Variants in PTGES3 observed in about 807,000 individuals in gnomAD.
PTGES3 encodes Hsp90 co-chaperone.
PTGES3 carries 5 observed loss-of-function variants against 29.9 expected under a neutral mutation model. The ratio of observed to expected loss-of-function variants is 0.17; its 90% confidence interval spans 0.09 to 0.35. PTGES3 has a LOEUF of 0.35. PTGES3 is among the 10% of genes least tolerant of loss of function. PTGES3 has a pLI of 1.00. For synonymous variants in PTGES3, 49 were observed against 57.8 expected (o/e 0.85, Z 0.69); for missense variants, 128 against 190.0 (o/e 0.67, Z 1.92).
intron 1 of PTGES3, among the ~76,000 whole-genome samples, chr12:56,681,293 C>T (rs570451832): frequency 9.5e-4 from 144 of 151,852 alleles, no homozygotes; most frequent in African/African-American, 3.3e-3. Flanking sequence ...AATCCCAACA[C>T]TTTGGGAGGC....
At chr12:56,673,618 AC>A (rs1431409345) in intron 1 of PTGES3, among the ~76,000 whole-genome samples, 1 of 151,436 alleles carries the variant, frequency 6.6e-6, no homozygotes, top group Non-Finnish European at 1.5e-5. Context: ...ACATGGTGAA[AC>A]CCCATCTCTA....
At chr12:56,682,721 G>GAGAAAAAAA (rs1952604635) in intron 1 of PTGES3, among the ~76,000 whole-genome samples, 1 of 114,290 alleles carries the variant, frequency 8.7e-6, no homozygotes, top group Non-Finnish European at 1.7e-5. Flanking sequence ...CCATTTAAAA[G>GAGAAAAAAA]AAAAAAAAAA....
intron 1 of PTGES3, among the ~76,000 whole-genome samples, chr12:56,675,663 T>C (rs1952206769): frequency 6.6e-6 from 1 of 152,060 alleles, no homozygotes; most frequent in Non-Finnish European, 1.5e-5. Flanking sequence ...CTCACGCCTG[T>C]AATCTCCAGC....
At chr12:56,672,169 T>C (rs1387702007) in intron 3 of PTGES3, among the ~76,000 whole-genome samples, 1 of 152,036 alleles carries the variant, frequency 6.6e-6, no homozygotes, top group Non-Finnish European at 1.5e-5. Context: ...TAACTAAAAA[T>C]GATATAACCA....
chr12:56,676,669 G>A (rs1444684932), intron 1 of PTGES3, among the ~76,000 whole-genome samples: 1 of 152,032 alleles, frequency 6.6e-6, no homozygotes, highest in African/African-American at 2.4e-5. Context: ...ATGCGTGGTG[G>A]TTCATGCCTA....
At chr12:56,687,730 G>C in intron 1 of PTGES3, 1 of 1,362,318 alleles carries the variant, frequency 7.3e-7, no homozygotes, top group South Asian at 1.7e-5. Flanking sequence ...AAAGAGGCGA[G>C]TAACCCAGAC....
chr12:56,681,474 C>T (rs906479760), intron 1 of PTGES3, among the ~76,000 whole-genome samples: 19 of 144,234 alleles, frequency 1.3e-4, no homozygotes, highest in African/African-American at 4.8e-4. Context: ...GGAGGCGGAG[C>T]CTGCAGTGAG....
Position 56,664,512 on chromosome 12 carries a change from T to A in PTGES3, c.464-14A>T, listed in dbSNP as rs1369944712. 4.4e-6 allele frequency: 7 copies of A among 1,587,546 alleles called. No homozygotes were observed. The highest frequency in any genetic ancestry group is 6.0e-6 in the Non-Finnish European group (7 of 1,165,426). On this transcript the variant is annotated splice_polypyrimidine_tract_variant and intron_variant, in intron 7 of 7. Coordinates refer to ENST00000262033, the MANE Select transcript of PTGES3 (RefSeq NM_006601.7). ...GATCTGGCATTTCTGAAAGAATTTTTAAAAATATTAGTATATAGTACAAGT... is the reference window on the plus strand; with the variant it reads ...GATCTGGCATTTCTGAAAGAATTTTAAAAAATATTAGTATATAGTACAAGT...
Position 56,688,245 on chromosome 12 carries a change from G to T in PTGES3, c.-246C>A. 1 of 629,416 alleles carries T rather than the reference G, an allele frequency of 1.6e-6. No homozygotes were observed. Among genetic ancestry groups the T allele is most frequent in the South Asian group, 3.1e-5 (1 of 32,660 alleles). 39.0% of individuals were successfully genotyped at this position (629,416 alleles called of 1,614,324 possible). On this transcript the variant is annotated 5_prime_UTR_variant, in exon 1 of 8. Transcript: ENST00000262033. ...AGTGTAGGAAAAGGGGCGCGAGGACGGAGAATGAACGTGCGTGCGTGCAAA... is the reference window on the plus strand; with the variant it reads ...AGTGTAGGAAAAGGGGCGCGAGGACTGAGAATGAACGTGCGTGCGTGCAAA...
chr12:56,675,476 C>T (rs1254786414), intron 1 of PTGES3, among the ~76,000 whole-genome samples: 5 of 148,608 alleles, frequency 3.4e-5, no homozygotes, highest in African/African-American at 1.3e-4. Context: ...TTGCAGTGAG[C>T]CAAGATCACA....
At position 56,664,795 on chromosome 12, in the gene PTGES3, TGAA is replaced by T; in HGVS notation, c.441_443del (p.Asp147_Ser148delinsGlu). On this transcript the variant is annotated inframe_deletion and splice_region_variant, in exon 7 of 8. Coordinates refer to ENST00000262033, the MANE Select transcript of PTGES3 (RefSeq NM_006601.7). ...ACTTACTTTCATCATCACTGTCTTG[TGAA>T]TCCTGAAAGAGGGAAAATAAAGTTA... 6.3e-7 allele frequency: 1 copy of T among 1,597,582 alleles called. No individual in the cohort carries two copies. The highest frequency in any genetic ancestry group is 8.6e-7 in the Non-Finnish European group (1 of 1,168,184).
chr12:56,676,755 G>T (rs1208203576), intron 1 of PTGES3, among the ~76,000 whole-genome samples: 2 of 151,144 alleles, frequency 1.3e-5, no homozygotes, highest in African/African-American at 2.4e-5. Context: ...AAACCCCATC[G>T]CTACTAAAAA....
chr12:56,670,475 C>T (rs1342096123), intron 4 of PTGES3, 111 bp from the exon 5 acceptor site: 1 of 752,160 alleles, frequency 1.3e-6, no homozygotes, highest in Non-Finnish European at 2.3e-6. Context: ...CTATGTTGCC[C>T]AGGCTGGAGT....
intron 1 of PTGES3, among the ~76,000 whole-genome samples, chr12:56,676,468 G>A (rs1952254603): frequency 6.6e-6 from 1 of 152,144 alleles, no homozygotes; most frequent in Non-Finnish European, 1.5e-5. Context: ...TGGAGGCAGT[G>A]AGAGAGTGAT....
intron 5 of PTGES3, among the ~76,000 whole-genome samples, chr12:56,669,234 G>C (rs1344429631): frequency 2.0e-5 from 3 of 151,704 alleles, no homozygotes; most frequent in African/African-American, 7.3e-5. Context: ...TGCTCTTGTT[G>C]CCCAGACTGG....
intron 1 of PTGES3, among the ~76,000 whole-genome samples, chr12:56,686,656 T>C (rs1952875209): frequency 6.6e-6 from 1 of 151,892 alleles, no homozygotes; most frequent in Non-Finnish European, 1.5e-5. Context: ...GGATCACAGT[T>C]GTGAGCCACC....
At chr12:56,680,120 G>A (rs1478514312) in intron 1 of PTGES3, among the ~76,000 whole-genome samples, 5 of 149,024 alleles carry the variant, frequency 3.4e-5, no homozygotes, top group African/African-American at 1.2e-4. Context: ...CGCCCAGGCT[G>A]GAGTGCAATG....
intron 1 of PTGES3, chr12:56,686,930 A>G (rs1263181614): frequency 2.0e-5 from 8 of 395,946 alleles, no homozygotes; most frequent in Non-Finnish European, 3.1e-5. Flanking sequence ...AAAACAAAAG[A>G]AAAAAAAGGT....
At chr12:56,677,333 A>T (rs1952303391) in intron 1 of PTGES3, among the ~76,000 whole-genome samples, 1 of 151,922 alleles carries the variant, frequency 6.6e-6, no homozygotes. Context: ...GGAAACTACC[A>T]CATAAAATAA....
Sources: gnomAD v4.1 joint callset for allele counts (sites outside exome capture counted in the v4.1 genomes callset) on GRCh38, gnomAD v4.1.1 for gene constraint, MANE v1.5 for transcripts, NCBI Gene and HGNC (gene_info 2026-07-23, HGNC 2026-07-21) for gene names.